RAD18: variants seen among roughly 807,000 people sequenced by gnomAD.
The protein encoded by RAD18 is RAD18 E3 ubiquitin protein ligase.
RAD18 carries 47 observed loss-of-function variants against 60.4 expected under a neutral mutation model. That is an observed-to-expected ratio of 0.78 (90% CI 0.62 to 0.99). The LOEUF (loss-of-function observed/expected upper bound fraction) is 0.99. RAD18 is among the 50% of genes least tolerant of loss of function. RAD18 has a pLI of 0.00. For synonymous variants in RAD18, 225 were observed against 195.5 expected, an observed-to-expected ratio of 1.15 and a Z score of -1.26; for missense variants, 640 against 593.3, an observed-to-expected ratio of 1.08 and a Z score of -0.82.
intron 10 of RAD18, among the ~76,000 whole-genome samples, chr3:8,901,592 T>C (rs947503563): frequency 2.5e-4 from 38 of 152,178 alleles, no homozygotes; most frequent in African/African-American, 9.2e-4. Flanking sequence ...GTACCTGGAA[T>C]GGGCAAACTC....
rs147100071 is a variant in RAD18, at chr3:8,943,915, A to G, written c.267-2111T>C. On this transcript the variant is annotated intron_variant, in intron 4 of 12. Transcript: ENST00000264926. The stretch of plus-strand genomic sequence containing the variant: ...CTCTAAGCTTCCAACTTAAAAGGTT[A>G]GGAAATGAACAGCAAACTAAACCCA... 1.9e-3 allele frequency among the ~76,000 whole-genome samples: 289 copies of G among 152,310 alleles called. 2 individuals are homozygous for G. The highest frequency in any genetic ancestry group is 6.3e-3 in the African/African-American group (263 of 41,588).
At chr3:8,956,723 G>C (rs1414393950) in intron 2 of RAD18, among the ~76,000 whole-genome samples, 1 of 135,232 alleles carries the variant, frequency 7.4e-6, no homozygotes, top group Non-Finnish European at 1.5e-5. Flanking sequence ...GAAAATACTT[G>C]ACAAAATTCA....
intron 7 of RAD18, among the ~76,000 whole-genome samples, chr3:8,929,771 A>G (rs551980887): frequency 1.3e-5 from 2 of 152,056 alleles, no homozygotes; most frequent in South Asian, 2.1e-4. Flanking sequence ...CCTCCTGAGT[A>G]GCTGGGATTA....
At chr3:8,902,665 A>C in intron 9 of RAD18, 145 bp from the exon 10 acceptor site, 4 of 736,706 alleles carry the variant, frequency 5.4e-6, no homozygotes, top group African/African-American at 1.8e-5. Context: ...CCTGAAGTGA[A>C]TGGATCACTT....
In RAD18 at chr3:8,898,986, T is replaced by C. The variant is rs965828822; in HGVS notation, c.1230A>G (p.Pro410=). Residue 410 remains proline (P), a synonymous_variant, in exon 11 of 13, where the codon CCA becomes CCG. Transcript: ENST00000264926. ...NHFSQSKLDS[P]EELEPDREED... is the part of the protein sequence containing the mutation. ...CTTCTCTGTCAGGTTCCAATTCCTC[T>C]GGGGAGTCCAGCTTTGATTGAGAAA... 1 of 1,610,466 alleles carries C rather than the reference T, an allele frequency of 6.2e-7. No individual in the cohort carries two copies. The highest frequency in any genetic ancestry group is 8.5e-7 in the Non-Finnish European group (1 of 1,177,672).
At chr3:8,908,211 C>T (rs1940046509) in intron 9 of RAD18, among the ~76,000 whole-genome samples, 1 of 151,908 alleles carries the variant, frequency 6.6e-6, no homozygotes, top group Non-Finnish European at 1.5e-5. Context: ...TAAAGGAACC[C>T]ATTTCCAGAG....
At position 8,913,949 on chromosome 3, in the gene RAD18, A is replaced by G. The variant is rs562098191; in HGVS notation, c.890-229T>C. The stretch of plus-strand genomic sequence containing the variant: ...CTCTTACACATGCACATGCTGTTCA[A>G]CGTATAACCACAAGAGTCAAGTCAT... On this transcript the variant is annotated intron_variant, in intron 7 of 12. Coordinates refer to ENST00000264926, the MANE Select transcript of RAD18 (RefSeq NM_020165.4). Among the ~76,000 whole-genome samples, 3 of 112,988 alleles carry G rather than the reference A, an allele frequency of 2.7e-5. No individual in the cohort carries two copies. In the East Asian group the frequency reaches 6.2e-4, roughly 23 times the overall value. 74.1% of individuals were successfully genotyped at this position (112,988 alleles called of 152,430 possible).
At chr3:8,952,174 C>A (rs2124841652) in intron 2 of RAD18, among the ~76,000 whole-genome samples, 1 of 152,298 alleles carries the variant, frequency 6.6e-6, no homozygotes, top group Admixed American at 6.5e-5. Context: ...CAAAATACAT[C>A]CATCCCATCT....
intron 7 of RAD18, among the ~76,000 whole-genome samples, chr3:8,921,626 C>A (rs1425015378): frequency 1.3e-5 from 2 of 151,760 alleles, no homozygotes; most frequent in Non-Finnish European, 1.5e-5. Flanking sequence ...GGTGACAGAG[C>A]AAGACCCTAT....
intron 1 of RAD18, 128 bp downstream of exon 1, chr3:8,963,207 C>T (rs892193114): frequency 2.8e-6 from 3 of 1,065,454 alleles, no homozygotes; most frequent in Admixed American, 2.8e-5. Flanking sequence ...CAGGGCAGAG[C>T]CGGATACCCG....
At chr3:8,945,468 C>CTTTTTT (rs375744764) in intron 4 of RAD18, among the ~76,000 whole-genome samples, 1,851 of 96,118 alleles carry the variant, frequency 0.019, 11 homozygotes, top group Non-Finnish European at 0.029. Context: ...TTTCCATCTT[C>CTTTTTT]TTTTTTTTTT....
chr3:8,955,814 T>C (rs1941000815), intron 2 of RAD18, among the ~76,000 whole-genome samples: 1 of 152,106 alleles, frequency 6.6e-6, no homozygotes, highest in Non-Finnish European at 1.5e-5. Context: ...GCCCCTAGAA[T>C]CTGCAGTCAA....
In RAD18 at chr3:8,927,373, C is replaced by A. The variant is rs1251077820; in HGVS notation, c.889+8498G>T. The stretch of plus-strand genomic sequence containing the variant: ...AACCACAATGAGATACCATCTCACA[C>A]CAGTTAGAATGGCAGTCATTAAAAA... On this transcript the variant is annotated intron_variant, in intron 7 of 12. Transcript: ENST00000264926. 1.3e-5 allele frequency among the ~76,000 whole-genome samples: 2 copies of A among 152,156 alleles called. 1 individual carries two copies.
rs1052533942 is a variant in RAD18, at chr3:8,913,651, T to C, written c.959A>G (p.Asn320Ser). The change falls in exon 8 of 13, where the codon AAT (asparagine) becomes AGT (serine). Residue 320 changes from asparagine (N) to serine (S), a missense_variant. By Grantham distance (46) the Asn-to-Ser change is conservative. Transcript: ENST00000264926. ...TRMRLEASKL[N>S]ESVMVFTKDQ... is the part of the protein sequence containing the mutation. ...AATAGCCCATTAACATACACTTTCA[T>C]TGAGTTTACTAGCTTCAAGACGCAT... 48 of 1,555,922 alleles carry C rather than the reference T, an allele frequency of 3.1e-5. 2 individuals are homozygous for C. The Admixed American group carries it at 7.4e-4, about 24-fold the overall frequency.
intron 11 of RAD18, among the ~76,000 whole-genome samples, chr3:8,893,477 C>T (rs1939727121): frequency 6.6e-6 from 1 of 152,112 alleles, no homozygotes; most frequent in Non-Finnish European, 1.5e-5. Context: ...TGTCAGCTAC[C>T]ATGAATCTTC....
Position 8,926,857 on chromosome 3 carries a change from T to C in RAD18, c.889+9014A>G, listed in dbSNP as rs565339349. Reference sequence around the variant, plus strand: ...GTGCTGGGAAAACTGGCTAGCCATATGTAGAAAGCTGAAACTGGATCCCTT... The same window carrying C: ...GTGCTGGGAAAACTGGCTAGCCATACGTAGAAAGCTGAAACTGGATCCCTT... On this transcript the variant is annotated intron_variant, in intron 7 of 12. Coordinates refer to ENST00000264926, the MANE Select transcript of RAD18 (RefSeq NM_020165.4). Among the ~76,000 whole-genome samples, 763 of 152,318 alleles carry C rather than the reference T, an allele frequency of 5.0e-3. 3 individuals carry two copies. Among genetic ancestry groups the C allele is most frequent in the Non-Finnish European group, 7.4e-3 (506 of 68,026 alleles).
At chr3:8,920,876 G>T (rs896906452) in intron 7 of RAD18, among the ~76,000 whole-genome samples, 1 of 152,140 alleles carries the variant, frequency 6.6e-6, no homozygotes, top group African/African-American at 2.4e-5. Flanking sequence ...ACTGGATCAT[G>T]TACTGCAGGA....
intron 2 of RAD18, among the ~76,000 whole-genome samples, chr3:8,953,188 TAA>T (rs989354410): frequency 1.3e-5 from 2 of 150,580 alleles, no homozygotes; most frequent in African/African-American, 4.9e-5. Context: ...TATAGTTATA[TAA>T]TGTATACTTA....
rs1462016220 is a variant in RAD18 at position 8,877,090 on chromosome 3, T to C, written c.*4267A>G. 2.0e-5 allele frequency: 3 copies of C among 152,242 alleles called. No homozygotes were observed. The highest frequency in any genetic ancestry group is 6.5e-5 in the Admixed American group (1 of 15,288). 9.4% of individuals were successfully genotyped at this position (152,242 alleles called of 1,614,324 possible). A position where few individuals can be genotyped will look rare whatever the true frequency, so the allele number is the denominator to read the frequency against. ...TAGCATAAGCTGACTTCCATAACTT[T>C]ATTCTAATATTTTGTATTTTGGAAT... is the stretch of plus-strand genomic sequence containing the variant. On this transcript the variant is annotated 3_prime_UTR_variant, in exon 13 of 13. Coordinates refer to ENST00000264926, the MANE Select transcript of RAD18 (RefSeq NM_020165.4).
Sources: allele counts gnomAD v4.1 joint callset (sites outside exome capture counted in the v4.1 genomes callset), GRCh38; gene constraint gnomAD v4.1.1; transcripts MANE v1.5; gene names NCBI Gene and HGNC (gene_info 2026-07-23, HGNC 2026-07-21).